ANKRD17: variants seen among roughly 807,000 people sequenced by gnomAD.
ANKRD17 encodes ankyrin repeat domain-containing protein 17.
In ANKRD17, 19 loss-of-function variants were observed where a neutral mutation model predicts 229.7. The observed-to-expected ratio is 0.08, with a 90% CI of 0.06 to 0.12. The LOEUF (loss-of-function observed/expected upper bound fraction) is 0.12, where lower values mean the gene tolerates loss of function less well. Ranked by LOEUF, ANKRD17 falls within the 10% of genes least tolerant of loss-of-function variation. The pLI, the probability that ANKRD17 is intolerant of heterozygous loss-of-function variation, is 1.00. For synonymous variants in ANKRD17, 1,112 were observed against 1,146.1 expected (o/e 0.97, Z 0.60); for missense variants, 2,176 against 3,176.8 (o/e 0.68, Z 7.57).
intron 15 of ANKRD17, among the ~76,000 whole-genome samples, chr4:73,136,952 CT>C (rs2148794985): frequency 7.5e-6 from 1 of 133,006 alleles, no homozygotes; most frequent in South Asian, 2.4e-4. Context: ...GGAATATTTT[CT>C]TTTAAAGAAC....
chr4:73,188,699 C>T (rs931859027), intron 1 of ANKRD17, among the ~76,000 whole-genome samples: 5 of 151,860 alleles, frequency 3.3e-5, no homozygotes, highest in Admixed American at 6.6e-5. Flanking sequence ...AATCAAAATG[C>T]ATCAACATAA....
intron 10 of ANKRD17, among the ~76,000 whole-genome samples, chr4:73,145,923 A>C (rs746632433): frequency 6.6e-6 from 1 of 152,164 alleles, no homozygotes; most frequent in Non-Finnish European, 1.5e-5. Flanking sequence ...CTGCCTGCAC[A>C]TGAATTTGTC....
rs540362933 is a variant in ANKRD17 at position 73,117,469 on chromosome 4, C to G, written c.4188+1219G>C. Among the ~76,000 whole-genome samples the G allele has an allele frequency of 2.0e-5, 3 of 152,262 alleles. No individual in the cohort carries two copies. The South Asian group carries it at 6.2e-4, about 32-fold the overall frequency. ...ATAGTAGAGTGGTTAGAAAGATTAACTTGATAATGATATGCTAGCTTGCTT... is the reference window on the plus strand; with the variant it reads ...ATAGTAGAGTGGTTAGAAAGATTAAGTTGATAATGATATGCTAGCTTGCTT... On this transcript the variant is annotated intron_variant, in intron 22 of 33. Transcript: ENST00000358602.
In ANKRD17 at chr4:73,125,054, A is replaced by G; in HGVS notation, c.3351T>C (p.Phe1117=). 1.9e-6 allele frequency: 3 copies of G among 1,614,176 alleles called. No homozygotes were observed. In the African/African-American group the frequency reaches 4.0e-5, roughly 22 times the overall value. ...CTGTGGCAGCCAAGATGAGTGGAGT[A>G]AAACCTGGAGAAAAATAATGATCTT... ...ASIEHRDKKG[F]TPLILAATAG... is the part of the protein sequence containing the mutation. Residue 1117 remains phenylalanine (F), a synonymous_variant, in exon 18 of 34, where the codon TTT becomes TTC. Coordinates refer to ENST00000358602, the MANE Select transcript of ANKRD17 (RefSeq NM_032217.5).
At chr4:73,229,643 A>G (rs935184614) in intron 1 of ANKRD17, among the ~76,000 whole-genome samples, 11 of 151,592 alleles carry the variant, frequency 7.3e-5, no homozygotes, top group African/African-American at 2.7e-4. Flanking sequence ...CAGAGTCTAT[A>G]TATATATATA....
intron 24 of ANKRD17, among the ~76,000 whole-genome samples, chr4:73,108,433 A>G (rs958823673): frequency 1.3e-5 from 2 of 152,338 alleles, no homozygotes; most frequent in African/African-American, 4.8e-5. Context: ...ACCAGTGGAT[A>G]AAGAAGACCA....
At chr4:73,079,266 G>T (rs544447372) in intron 30 of ANKRD17, among the ~76,000 whole-genome samples, 13 of 152,194 alleles carry the variant, frequency 8.5e-5, no homozygotes, top group Non-Finnish European at 1.8e-4. Context: ...TCTCCAAACT[G>T]TATTCCCTGG....
At chr4:73,231,629 T>C (rs945579034) in intron 1 of ANKRD17, among the ~76,000 whole-genome samples, 1 of 152,212 alleles carries the variant, frequency 6.6e-6, no homozygotes, top group Non-Finnish European at 1.5e-5. Flanking sequence ...ACTCCTATAA[T>C]CCTTAGAATC....
chr4:73,251,157 T>C (rs1450975413), intron 1 of ANKRD17, among the ~76,000 whole-genome samples: 1 of 152,050 alleles, frequency 6.6e-6, no homozygotes, highest in Non-Finnish European at 1.5e-5. Context: ...TGTTTATGAG[T>C]TTCACAGGAC....
intron 8 of ANKRD17, among the ~76,000 whole-genome samples, chr4:73,147,931 C>T (rs570617126): frequency 2.6e-4 from 40 of 152,182 alleles, no homozygotes; most frequent in African/African-American, 9.1e-4. Flanking sequence ...TTATTGTCAT[C>T]AATACTACCA....
intron 1 of ANKRD17, among the ~76,000 whole-genome samples, chr4:73,181,484 A>T (rs1735534412): frequency 6.6e-6 from 1 of 152,176 alleles, no homozygotes; most frequent in South Asian, 2.1e-4. Flanking sequence ...CTCGCGTTAC[A>T]TTACAAAACA....
intron 14 of ANKRD17, 106 bp from the exon 15 acceptor site, chr4:73,140,389 T>G (rs1729447890): frequency 1.1e-5 from 13 of 1,150,148 alleles, no homozygotes; most frequent in Non-Finnish European, 1.4e-5. Context: ...AGTAATCATA[T>G]CCATAACAGG....
intron 25 of ANKRD17, among the ~76,000 whole-genome samples, chr4:73,101,801 C>T (rs1290894931): frequency 6.6e-6 from 1 of 151,296 alleles, no homozygotes; most frequent in African/African-American, 2.4e-5. Flanking sequence ...AAAATTTTAA[C>T]AATTTTGTCA....
At chr4:73,157,888 G>C (rs1426803310) in intron 3 of ANKRD17, among the ~76,000 whole-genome samples, 1 of 152,024 alleles carries the variant, frequency 6.6e-6, no homozygotes, top group Non-Finnish European at 1.5e-5. Context: ...AGGAGATCGA[G>C]ACCATCCTGG....
In ANKRD17 at chr4:73,177,537, T is replaced by C. The variant is rs769107736; in HGVS notation, c.394-4A>G. On this transcript the variant is annotated splice_polypyrimidine_tract_variant and splice_region_variant and intron_variant, in intron 1 of 33. Coordinates refer to ENST00000358602, the MANE Select transcript of ANKRD17 (RefSeq NM_032217.5). ...GATCCAAAATGAAAGACTCCACCTA[T>C]AAAACAAATGCAAAAAGAGGGAGGA... 3 of 1,594,172 alleles carry C rather than the reference T, an allele frequency of 1.9e-6. No individual in the cohort carries two copies. In the South Asian group the frequency reaches 3.4e-5, roughly 18 times the overall value.
chr4:73,209,154 C>A (rs1189841858), intron 1 of ANKRD17, among the ~76,000 whole-genome samples: 1 of 152,066 alleles, frequency 6.6e-6, no homozygotes, highest in Non-Finnish European at 1.5e-5. Context: ...TGTAGTGAGC[C>A]AAGATCGTGC....
intron 1 of ANKRD17, among the ~76,000 whole-genome samples, chr4:73,237,491 C>G (rs557060851): frequency 6.6e-6 from 1 of 152,278 alleles, no homozygotes; most frequent in Non-Finnish European, 1.5e-5. Context: ...AGCCAGAAAG[C>G]TGGACTGAGT....
At chr4:73,234,002 TACAGCTCAGGA>T (rs772469454) in intron 1 of ANKRD17, among the ~76,000 whole-genome samples, 150 of 152,318 alleles carry the variant, frequency 9.8e-4, no homozygotes, top group Non-Finnish European at 3.5e-4. Context: ...ATTACGTTTC[TACAGCTCAGGA>T]AATTTTCTTC....
At chr4:73,161,453 A>G in intron 2 of ANKRD17, 105 bp from the exon 3 acceptor site, 2 of 1,144,424 alleles carry the variant, frequency 1.7e-6, no homozygotes, top group South Asian at 1.5e-5. Context: ...ATAACCTCCA[A>G]ATGGTAGAGT....
Sources: gnomAD v4.1 joint callset for allele counts (sites outside exome capture counted in the v4.1 genomes callset) on GRCh38, gnomAD v4.1.1 for gene constraint, MANE v1.5 for transcripts, NCBI Gene and HGNC (gene_info 2026-07-23, HGNC 2026-07-21) for gene names.